The following PTPN13 variants were observed in gnomAD, a reference collection of about 807,000 sequenced individuals.
The protein encoded by PTPN13 is protein tyrosine phosphatase non-receptor type 13.
PTPN13 carries 191 observed loss-of-function variants against 284.0 expected under a neutral mutation model. That is an observed-to-expected ratio of 0.67 (90% CI 0.60 to 0.76). The LOEUF (loss-of-function observed/expected upper bound fraction) is 0.76, where lower values mean the gene tolerates loss of function less well. Among genes scored for constraint, PTPN13 ranks in the 30% least tolerant of loss-of-function variants. The probability of loss-of-function intolerance (pLI) is 0.00; values close to 1 mark genes in which losing one functional copy is unlikely to be tolerated. For synonymous variants in PTPN13, 986 were observed against 1,022.3 expected (o/e 0.96, Z 0.68); for missense variants, 2,797 against 2,939.9 (o/e 0.95, Z 1.12).
chr4:86,814,573 C>T lies in PTPN13; in HGVS notation c.*22C>T. 1.3e-6 allele frequency: 2 copies of T among 1,562,074 alleles called. No individual in the cohort carries two copies. The highest frequency in any genetic ancestry group is 1.8e-6 in the Non-Finnish European group (2 of 1,133,888). ...GTGACATGAAAAGAGCCTCTGGATG[C>T]ATTTCCATTTCTCTCCTTAACCTCC... On this transcript the variant is annotated 3_prime_UTR_variant, in exon 48 of 48. Coordinates refer to ENST00000411767, the MANE Select transcript of PTPN13 (RefSeq NM_080683.3).
At chr4:86,804,774 A>G (rs963634179) in intron 43 of PTPN13, among the ~76,000 whole-genome samples, 4 of 152,152 alleles carry the variant, frequency 2.6e-5, no homozygotes, top group African/African-American at 9.7e-5. Flanking sequence ...TATTCCCATC[A>G]CTTATTACAG....
intron 17 of PTPN13, among the ~76,000 whole-genome samples, chr4:86,745,630 G>A (rs1204240602): frequency 6.6e-6 from 1 of 152,098 alleles, no homozygotes; most frequent in Non-Finnish European, 1.5e-5. Context: ...CAAAAAATCA[G>A]CCAGGCGTGT....
rs763003598 is a variant in PTPN13, at chr4:86,701,613, C to T, written c.1007C>T (p.Thr336Ile). Residue 336 changes from threonine (T) to isoleucine (I), a missense_variant, in exon 7 of 48, where the codon ACT (threonine) becomes ATT (isoleucine). Transcript: ENST00000411767. ...GCAGTAACAGTGCGGACTTCAACTA[C>T]TCCTAGAAAAAAGGAGGCAAGATAC... Reference protein sequence around the residue: ...PEAVTVRTSTTPRKKEARYSD... With the variant: ...PEAVTVRTSTIPRKKEARYSD... 15 of 1,613,924 alleles carry T rather than the reference C, an allele frequency of 9.3e-6. No homozygotes were observed. The highest frequency in any genetic ancestry group is 1.6e-4 in the Middle Eastern group (1 of 6,062).
chr4:86,624,379 C>G (rs1336382269), intron 1 of PTPN13, among the ~76,000 whole-genome samples: 1 of 152,122 alleles, frequency 6.6e-6, no homozygotes, highest in East Asian at 1.9e-4. Context: ...ACCCAGGGAC[C>G]AGTGCTCTCA....
chr4:86,648,010 C>T (rs1025736181), intron 2 of PTPN13, among the ~76,000 whole-genome samples: 1 of 152,082 alleles, frequency 6.6e-6, no homozygotes, highest in Non-Finnish European at 1.5e-5. Flanking sequence ...ATTAATAAAA[C>T]ATCTCAAAAT....
Position 86,809,761 on chromosome 4 carries a change from A to G in PTPN13, c.7084-8A>G. On this transcript the variant is annotated splice_polypyrimidine_tract_variant and splice_region_variant and intron_variant, in intron 45 of 47. Coordinates refer to ENST00000411767, the MANE Select transcript of PTPN13 (RefSeq NM_080683.3). ...TCATGATCCACTTATTCTGTTATACAATTTCAGACCAGAGAGGTGCGCCAT... is the reference window on the plus strand; with the variant it reads ...TCATGATCCACTTATTCTGTTATACGATTTCAGACCAGAGAGGTGCGCCAT... 2 of 1,611,372 alleles carry G rather than the reference A, an allele frequency of 1.2e-6. No homozygotes were observed. Among genetic ancestry groups the G allele is most frequent in the Non-Finnish European group, 1.7e-6 (2 of 1,177,516 alleles).
At chr4:86,790,940 G>A (rs543723656) in intron 40 of PTPN13, among the ~76,000 whole-genome samples, 30 of 152,240 alleles carry the variant, frequency 2.0e-4, no homozygotes, top group African/African-American at 6.5e-4. Flanking sequence ...CAGAAGACAG[G>A]TGATTTCTGC....
At chr4:86,662,400 C>T (rs1217051469) in intron 2 of PTPN13, among the ~76,000 whole-genome samples, 4 of 152,094 alleles carry the variant, frequency 2.6e-5, no homozygotes, top group South Asian at 4.2e-4. Context: ...GGTGCAATCT[C>T]GGCTCACTGT....
rs1739960515 is a variant in PTPN13, at chr4:86,771,231, T to C, written c.4864T>C (p.Ser1622Pro). The C allele has an allele frequency of 6.2e-7, 1 of 1,611,564 alleles. No individual in the cohort carries two copies. Among genetic ancestry groups the C allele is most frequent in the East Asian group, 2.2e-5 (1 of 44,822 alleles). The change falls in exon 31 of 48, where the codon TCA (serine) becomes CCA (proline). Residue 1622 changes from serine to proline, a missense_variant. By Grantham distance (74) the Ser-to-Pro change is moderately conservative. Coordinates refer to ENST00000411767, the MANE Select transcript of PTPN13 (RefSeq NM_080683.3). ...CAGCAGTAAAGACTCTTCTCAGCCA[T>C]CATGTGTGGAGCAAAGCACCAGCTC... Reference protein sequence around the residue: ...PNSSKDSSQPSCVEQSTSSDE... With the variant: ...PNSSKDSSQPPCVEQSTSSDE...
At chr4:86,787,121 G>C (rs1230117773) in intron 40 of PTPN13, among the ~76,000 whole-genome samples, 1 of 150,786 alleles carries the variant, frequency 6.6e-6, no homozygotes, top group African/African-American at 2.4e-5. Context: ...AAAAAGTCAT[G>C]TCACATGCTT....
chr4:86,688,982 G>C, intron 4 of PTPN13, 23 bp from the exon 5 acceptor site: 1 of 1,522,046 alleles, frequency 6.6e-7, no homozygotes, highest in Middle Eastern at 1.7e-4. Context: ...TTACTCACTG[G>C]CTTTTCCTTT....
chr4:86,795,717 G>C (rs1033248884), intron 40 of PTPN13, among the ~76,000 whole-genome samples: 2 of 152,104 alleles, frequency 1.3e-5, no homozygotes, highest in African/African-American at 4.8e-5. Context: ...CCATAAAACA[G>C]GATGAGTTCA....
chr4:86,680,347 C>CTCTATCTATCTATCTATCTA (rs56694637), intron 3 of PTPN13, among the ~76,000 whole-genome samples: 1 of 142,550 alleles, frequency 7.0e-6, no homozygotes, highest in Admixed American at 7.0e-5. Context: ...TTCTATCTAT[C>CTCTATCTATCTATCTATCTA]TCTATCTATC....
At chr4:86,660,477 G>A (rs1221491923) in intron 2 of PTPN13, among the ~76,000 whole-genome samples, 2 of 151,704 alleles carry the variant, frequency 1.3e-5, no homozygotes, top group Admixed American at 1.3e-4. Context: ...CTTTGTACAG[G>A]GTATGCAGCT....
At chr4:86,748,376 G>C (rs1438245094) in intron 17 of PTPN13, among the ~76,000 whole-genome samples, 1 of 152,100 alleles carries the variant, frequency 6.6e-6, no homozygotes, top group African/African-American at 2.4e-5. Flanking sequence ...TAAATGGTTG[G>C]TTTATGATCC....
intron 2 of PTPN13, among the ~76,000 whole-genome samples, chr4:86,640,697 G>A (rs1352567436): frequency 2.6e-5 from 4 of 152,160 alleles, no homozygotes; most frequent in Non-Finnish European, 5.9e-5. Flanking sequence ...CTTGCATACT[G>A]TAAGTACCTA....
intron 3 of PTPN13, among the ~76,000 whole-genome samples, chr4:86,681,448 C>T (rs748322700): frequency 3.9e-5 from 6 of 152,152 alleles, no homozygotes; most frequent in Admixed American, 1.3e-4. Context: ...GTAGAAGCCA[C>T]GGATCCTGCT....
At chr4:86,618,453 A>G (rs1334663650) in intron 1 of PTPN13, among the ~76,000 whole-genome samples, 4 of 152,114 alleles carry the variant, frequency 2.6e-5, no homozygotes, top group Non-Finnish European at 5.9e-5. Flanking sequence ...GTTTTTTCCT[A>G]TTCTGTGAAG....
chr4:86,765,538 A>G (rs1739202189), intron 26 of PTPN13, 50 bp downstream of exon 26: 1 of 1,272,158 alleles, frequency 7.9e-7, no homozygotes, highest in Non-Finnish European at 1.1e-6. Context: ...ATTACAACAA[A>G]TAGATAAGAA....
Sources: allele counts gnomAD v4.1 joint callset (sites outside exome capture counted in the v4.1 genomes callset), GRCh38; gene constraint gnomAD v4.1.1; transcripts MANE v1.5; gene names NCBI Gene and HGNC (gene_info 2026-07-23, HGNC 2026-07-21).